Variants in MAPKAPK3 observed in about 807,000 individuals in gnomAD.
MAPKAPK3 encodes MAP kinase-activated protein kinase 3.
MAPKAPK3 carries 35 observed loss-of-function variants against 49.2 expected under a neutral mutation model. The ratio of observed to expected loss-of-function variants is 0.71; its 90% CI spans 0.54 to 0.94. MAPKAPK3 has a LOEUF of 0.94. MAPKAPK3 is among the 40% of genes least tolerant of loss of function. MAPKAPK3 has a pLI of 0.00. For missense variants in MAPKAPK3, 398 were observed against 493.1 expected, an observed-to-expected ratio of 0.81 and a Z score of 1.83; for synonymous variants, 178 against 188.7, an observed-to-expected ratio of 0.94 and a Z score of 0.46.
chr3:50,647,427 T>C (rs1005724939), intron 10 of MAPKAPK3, among the ~76,000 whole-genome samples: 3 of 152,278 alleles, frequency 2.0e-5, no homozygotes, highest in African/African-American at 7.2e-5. Flanking sequence ...GAAACGGGGC[T>C]TTGGTACCAA....
At chr3:50,620,074 C>A (rs1575995373) in intron 2 of MAPKAPK3, among the ~76,000 whole-genome samples, 1 of 152,188 alleles carries the variant, frequency 6.6e-6, no homozygotes, top group South Asian at 2.1e-4. Flanking sequence ...GAAGTCCTTA[C>A]CCAGCTAAGC....
chr3:50,614,407 C>T (rs1424349350), upstream of MAPKAPK3, among the ~76,000 whole-genome samples: 1 of 152,126 alleles, frequency 6.6e-6, no homozygotes. Context: ...CAAGATGAAT[C>T]ACAAGAATAC....
intron 2 of MAPKAPK3, among the ~76,000 whole-genome samples, chr3:50,626,854 G>A (rs1034544842): frequency 3.9e-5 from 6 of 152,176 alleles, no homozygotes; most frequent in Non-Finnish European, 7.3e-5. Context: ...CTCTCTGCGT[G>A]TGTGCTCCTC....
chr3:50,625,503 C>T (rs139467049), intron 2 of MAPKAPK3, among the ~76,000 whole-genome samples: 2 of 152,294 alleles, frequency 1.3e-5, no homozygotes, highest in Non-Finnish European at 2.9e-5. Flanking sequence ...AGCAGGAACA[C>T]GAGGCTCCCG....
chr3:50,647,554 C>T (rs2107603777), intron 10 of MAPKAPK3, among the ~76,000 whole-genome samples: 1 of 152,374 alleles, frequency 6.6e-6, no homozygotes, highest in South Asian at 2.1e-4. Context: ...GGCACAATCT[C>T]CAGGCCCCAG....
chr3:50,647,086 T>G (rs1046114333), intron 9 of MAPKAPK3, 37 bp from the exon 10 acceptor site: 1 of 1,523,990 alleles, frequency 6.6e-7, no homozygotes, highest in African/African-American at 1.4e-5. Flanking sequence ...CCCAGGTGCC[T>G]CCAGTTTCTA....
chr3:50,629,245 G>A (rs777455669), intron 2 of MAPKAPK3, among the ~76,000 whole-genome samples: 6 of 152,108 alleles, frequency 3.9e-5, no homozygotes, highest in Admixed American at 3.9e-4. Context: ...ACCATTTCCT[G>A]TGACCTGCTG....
Position 50,648,077 on chromosome 3 carries a change from C to T in MAPKAPK3, c.*31C>T, listed in dbSNP as rs1407351455. ...GGGGCCTTGGAGGAGCCTGGCCTCT[C>T]AGCCTGCATAACAGACTGAAATGTG... On this transcript the variant is annotated 3_prime_UTR_variant, in exon 11 of 11. Transcript: ENST00000621469. 6.2e-7 allele frequency: 1 copy of T among 1,600,762 alleles called. No individual in the cohort carries two copies. The highest frequency in any genetic ancestry group is 1.1e-5 in the South Asian group (1 of 89,032).
chr3:50,628,928 C>T (rs904731071), intron 2 of MAPKAPK3, among the ~76,000 whole-genome samples: 1 of 152,072 alleles, frequency 6.6e-6, no homozygotes, highest in Non-Finnish European at 1.5e-5. Flanking sequence ...GCAGAGTTGT[C>T]GAGGGGTGTA....
chr3:50,624,650 G>A (rs3804628), intron 2 of MAPKAPK3, among the ~76,000 whole-genome samples: 14,226 of 152,168 alleles, frequency 0.093, 826 homozygotes, highest in Non-Finnish European at 0.12. Flanking sequence ...CTGGGGAAGT[G>A]GAGTTAGATC....
Position 50,648,250 on chromosome 3 carries a change from A to G in MAPKAPK3, c.*204A>G. 1 of 588,060 alleles carries G rather than the reference A, an allele frequency of 1.7e-6. No homozygotes were observed. The highest frequency in any genetic ancestry group is 2.2e-5 in the South Asian group (1 of 45,222). 36.4% of individuals were successfully genotyped at this position (588,060 alleles called of 1,614,324 possible). A position where few individuals can be genotyped will look rare whatever the true frequency, so the allele number is the denominator to read the frequency against. ...TCTGGCCCAGGCTCAAGCCCTAGAG[A>G]TGGGCAGGGCCTAGGGGCTGGGAGC... On this transcript the variant is annotated 3_prime_UTR_variant, in exon 11 of 11. Coordinates refer to ENST00000621469, the MANE Select transcript of MAPKAPK3 (RefSeq NM_001243925.2).
At chr3:50,633,841 G>A (rs2032971789) in intron 2 of MAPKAPK3, among the ~76,000 whole-genome samples, 1 of 152,232 alleles carries the variant, frequency 6.6e-6, no homozygotes, top group Admixed American at 6.5e-5. Flanking sequence ...ACAGGCAAAT[G>A]GTGCTGTTGT....
intron 5 of MAPKAPK3, among the ~76,000 whole-genome samples, chr3:50,644,001 G>T (rs1248252879): frequency 6.6e-6 from 1 of 152,160 alleles, no homozygotes; most frequent in Non-Finnish European, 1.5e-5. Flanking sequence ...CTCAGATGGG[G>T]CTGTCCTTCT....
chr3:50,615,209 A>G (rs1304277610), upstream of MAPKAPK3, among the ~76,000 whole-genome samples: 5 of 152,208 alleles, frequency 3.3e-5, no homozygotes, highest in Non-Finnish European at 5.9e-5. Context: ...CCAGCAGTAG[A>G]AGATTCCAGA....
intron 2 of MAPKAPK3, among the ~76,000 whole-genome samples, chr3:50,621,298 A>C (rs2032602947): frequency 6.6e-6 from 1 of 152,150 alleles, no homozygotes; most frequent in African/African-American, 2.4e-5. Flanking sequence ...ATCTCTACAC[A>C]AAATTTAAAA....
chr3:50,611,565 A>G, upstream of MAPKAPK3: 1 of 1,525,254 alleles, frequency 6.6e-7, no homozygotes, highest in Non-Finnish European at 8.8e-7. Flanking sequence ...GGCAGCTAGC[A>G]CGAAGCCCCT....
chr3:50,633,679 G>A (rs1291460796), intron 2 of MAPKAPK3, among the ~76,000 whole-genome samples: 1 of 152,168 alleles, frequency 6.6e-6, no homozygotes, highest in Non-Finnish European at 1.5e-5. Context: ...GGTGGCCACA[G>A]GGCAATGACT....
chr3:50,611,816 G>A, upstream of MAPKAPK3: 1 of 895,066 alleles, frequency 1.1e-6, no homozygotes, highest in Non-Finnish European at 1.5e-6. Flanking sequence ...CGAGGGGGGC[G>A]GGCCAGACGA....
At chr3:50,640,024 C>T (rs1395171628) in intron 2 of MAPKAPK3, among the ~76,000 whole-genome samples, 1 of 152,120 alleles carries the variant, frequency 6.6e-6, no homozygotes, top group African/African-American at 2.4e-5. Context: ...CTTGGGGTCC[C>T]ATGGCTGCTG....
Sources: gnomAD v4.1 joint callset for allele counts (sites outside exome capture counted in the v4.1 genomes callset) on GRCh38, gnomAD v4.1.1 for gene constraint, MANE v1.5 for transcripts, NCBI Gene and HGNC (gene_info 2026-07-23, HGNC 2026-07-21) for gene names.